Variants in MYCBP2 observed in about 807,000 individuals in gnomAD.
MYCBP2 encodes E3 ubiquitin-protein ligase MYCBP2.
MYCBP2 carries 120 observed loss-of-function variants against 525.3 expected under a neutral mutation model. The observed-to-expected ratio is 0.23, with a 90% CI of 0.20 to 0.27. The LOEUF (loss-of-function observed/expected upper bound fraction) is 0.27. Among genes scored for constraint, MYCBP2 ranks in the 10% least tolerant of loss-of-function variants. The probability of loss-of-function intolerance (pLI) is 1.00; values close to 1 mark genes in which losing one functional copy is unlikely to be tolerated. For missense variants in MYCBP2, 4,149 were observed against 5,657.1 expected, an observed-to-expected ratio of 0.73 and a Z score of 8.55; for synonymous variants, 1,894 against 1,955.8, an observed-to-expected ratio of 0.97 and a Z score of 0.83.
intron 65 of MYCBP2, 81 bp from the exon 66 acceptor site, chr13:77,078,970 C>T: frequency 9.8e-6 from 11 of 1,127,474 alleles, no homozygotes; most frequent in Non-Finnish European, 1.3e-5. Context: ...CCTACTAATA[C>T]CACATCAACT....
At position 77,205,458 on chromosome 13, in the gene MYCBP2, C is replaced by T; in HGVS notation, c.3715+15G>A. ...CAGTTGTAAGACAACATTTCCTAAA[C>T]CGAAGTATACATACTTTCAAACCTG... On this transcript the variant is annotated intron_variant, in intron 25 of 82. Transcript: ENST00000544440. The T allele has an allele frequency of 6.2e-7, 1 of 1,612,084 alleles. No individual in the cohort carries two copies.
At position 77,131,487 on chromosome 13, in the gene MYCBP2, AAC is replaced by A. The variant is rs369448891; in HGVS notation, c.7660-4947_7660-4946del. Among the ~76,000 whole-genome samples, 1,164 of 135,652 alleles carry A rather than the reference AAC, an allele frequency of 8.6e-3. 3 individuals are homozygous for A. Among genetic ancestry groups the A allele is most frequent in the South Asian group, 0.016 (63 of 4,050 alleles). The allele number at this position is 135,652 out of a possible 152,430, so 89.0% of individuals were successfully genotyped here. On this transcript the variant is annotated intron_variant, in intron 52 of 82. Transcript: ENST00000544440. ...TGGGCAACAACAAGACTTCATCTCA[AAC>A]ACACACACACACACACACACACAAA...
intron 1 of MYCBP2, among the ~76,000 whole-genome samples, chr13:77,324,148 AG>A (rs2154384485): frequency 6.6e-6 from 1 of 152,300 alleles, no homozygotes; most frequent in African/African-American, 2.4e-5. Flanking sequence ...CTTCCTCAAA[AG>A]TTATCAATGA....
In MYCBP2 at chr13:77,306,594, T is replaced by C. The variant is rs138642704; in HGVS notation, c.303-9920A>G. Reference sequence around the variant, plus strand: ...GGAGCATAAGTGAGGGGAAGAGAACTCTCTGAAAAGCTTTGGCTATAGACC... The same window carrying C: ...GGAGCATAAGTGAGGGGAAGAGAACCCTCTGAAAAGCTTTGGCTATAGACC... On this transcript the variant is annotated intron_variant, in intron 1 of 82. Coordinates refer to ENST00000544440, the MANE Select transcript of MYCBP2 (RefSeq NM_015057.5). 3.0e-4 allele frequency among the ~76,000 whole-genome samples: 45 copies of C among 152,172 alleles called. No individual in the cohort carries two copies. The South Asian group carries it at 8.3e-3, about 28-fold the overall frequency.
At position 77,088,845 on chromosome 13, in the gene MYCBP2, A is replaced by T; in HGVS notation, c.10712T>A (p.Val3571Asp). ...ATGTCTTCATACCTCCATAGCAAAA[A>T]CTCGACAAGCAGATTTCCTTAGGGC... ...KQALRKSACR[V>D]FAMEAFNWLL... Residue 3571 changes from valine (V) to aspartate (D), a missense_variant, in exon 61 of 83, where the codon GTT becomes GAT. By Grantham distance (152) the Val-to-Asp change is radical (BLOSUM62 -3). Transcript: ENST00000544440. 6.2e-7 allele frequency: 1 copy of T among 1,611,826 alleles called. No homozygotes were observed. Among genetic ancestry groups the T allele is most frequent in the Non-Finnish European group, 8.5e-7 (1 of 1,178,516 alleles).
At chr13:77,156,738 A>G (rs2057255194) in intron 45 of MYCBP2, among the ~76,000 whole-genome samples, 1 of 152,238 alleles carries the variant, frequency 6.6e-6, no homozygotes, top group South Asian at 2.1e-4. Context: ...AAATGCATCA[A>G]TGTTGTGTAA....
At chr13:77,141,910 T>C (rs2054709086) in intron 49 of MYCBP2, among the ~76,000 whole-genome samples, 3 of 152,150 alleles carry the variant, frequency 2.0e-5, no homozygotes, top group South Asian at 2.1e-4. Flanking sequence ...TCGCAGCCCA[T>C]TGATGGCATC....
At chr13:77,121,039 C>A (rs1262527006) in intron 55 of MYCBP2, among the ~76,000 whole-genome samples, 1 of 151,814 alleles carries the variant, frequency 6.6e-6, no homozygotes, top group Admixed American at 6.6e-5. Flanking sequence ...TTAACATTAC[C>A]ATCCTAATAA....
Position 77,093,155 on chromosome 13 carries a change from A to T in MYCBP2, c.10367+10T>A. 1 of 1,603,336 alleles carries T rather than the reference A, an allele frequency of 6.2e-7. No homozygotes were observed. The highest frequency in any genetic ancestry group is 1.1e-5 in the South Asian group (1 of 88,954). Reference sequence around the variant, plus strand: ...CTAGCTATTCAACAGACAGGAGAGAACTAAAATACCTTGGTGGCATAGACT... The same window carrying T: ...CTAGCTATTCAACAGACAGGAGAGATCTAAAATACCTTGGTGGCATAGACT... On this transcript the variant is annotated intron_variant, in intron 59 of 82. Transcript: ENST00000544440.
chr13:77,176,702 A>C, intron 35 of MYCBP2, 74 bp from the exon 36 acceptor site: 1 of 1,138,380 alleles, frequency 8.8e-7, no homozygotes, highest in Non-Finnish European at 1.2e-6. Flanking sequence ...TTGATTTATA[A>C]TTATTATTTT....
chr13:77,145,749 A>G (rs931997038), intron 48 of MYCBP2, among the ~76,000 whole-genome samples: 3 of 152,148 alleles, frequency 2.0e-5, no homozygotes, highest in African/African-American at 7.2e-5. Flanking sequence ...AGAATTACTT[A>G]CGGGCTGAAA....
rs1037602001 is a variant in MYCBP2, at chr13:77,078,871, T to A, written c.11437A>T (p.Thr3813Ser). 1.7e-5 allele frequency: 27 copies of A among 1,613,344 alleles called. No homozygotes were observed. In the Admixed American group the frequency reaches 2.3e-4, roughly 14 times the overall value. ...TCTACTGCTTTGCCAGTTAAGAAGG[T>A]CATTGAGGTAACTTTATTCTGAAAT... ...RDLGNKVTSMTFLTGKAVEDL... is the reference protein window; with the variant it reads ...RDLGNKVTSMSFLTGKAVEDL... The change falls in exon 66 of 83, where the codon ACC becomes TCC. Residue 3813 changes from threonine (T) to serine (S), a missense_variant. Transcript: ENST00000544440.
At chr13:77,199,983 A>G (rs2062288910) in intron 26 of MYCBP2, among the ~76,000 whole-genome samples, 1 of 152,252 alleles carries the variant, frequency 6.6e-6, no homozygotes, top group African/African-American at 2.4e-5. Context: ...AAAGCAGAGC[A>G]ACTCTCCTCC....
At chr13:77,176,352 G>A (rs2059702361) in intron 36 of MYCBP2, 145 bp downstream of exon 36, 1 of 538,170 alleles carries the variant, frequency 1.9e-6, no homozygotes, top group African/African-American at 1.9e-5. Flanking sequence ...GTACGTAGTA[G>A]GTACTCCATA....
chr13:77,120,727 TTAAC>T (rs1211521936), intron 55 of MYCBP2, among the ~76,000 whole-genome samples: 1 of 152,186 alleles, frequency 6.6e-6, no homozygotes, highest in Admixed American at 6.5e-5. Context: ...TGTTTCAAAA[TTAAC>T]TATTGTTTGG....
At chr13:77,095,652 C>T (rs1459669636) in intron 57 of MYCBP2, 50 bp from the exon 58 acceptor site, 1 of 1,576,168 alleles carries the variant, frequency 6.3e-7, no homozygotes, top group Middle Eastern at 1.7e-4. Flanking sequence ...CATTAAAATC[C>T]TTAGTTTCTT....
chr13:77,243,851 T>G lies in MYCBP2; in HGVS notation c.2482A>C (p.Ile828Leu), dbSNP rs1028629841. 1.2e-6 allele frequency: 2 copies of G among 1,613,774 alleles called. No individual in the cohort carries two copies. The highest frequency in any genetic ancestry group is 1.7e-6 in the Non-Finnish European group (2 of 1,179,908). Residue 828 changes from isoleucine to leucine, a missense_variant, in exon 16 of 83, where the codon ATT becomes CTT. Physicochemically the swap from Ile to Leu is conservative, Grantham distance 5. This residue lies in a region of MYCBP2 where 620 missense variants were observed against 795.5 expected (regional missense o/e 0.78). Transcript: ENST00000544440. ...LDGQEARQRG[I>L]LDAVKEMIPL... ...ATCATTTCTTTCACTGCATCAAGAA[T>G]TCCTCTTTGTCTTGCCTCTTGACCA...
At chr13:77,212,600 T>C (rs929053722) in intron 21 of MYCBP2, among the ~76,000 whole-genome samples, 1 of 152,190 alleles carries the variant, frequency 6.6e-6, no homozygotes, top group African/African-American at 2.4e-5. Flanking sequence ...AATATCCATG[T>C]AAAAAGACCA....
intron 34 of MYCBP2, 126 bp downstream of exon 34, chr13:77,180,001 C>A: frequency 4.6e-6 from 3 of 654,856 alleles, no homozygotes; most frequent in Middle Eastern, 4.3e-4. Flanking sequence ...AAAAGAAAAA[C>A]AATGCATTGG....
Sources: gnomAD v4.1 joint callset for allele counts (sites outside exome capture counted in the v4.1 genomes callset) on GRCh38, gnomAD v4.1.1 for gene constraint, gnomAD v4.1.1 regional missense constraint, MANE v1.5 for transcripts, NCBI Gene and HGNC (gene_info 2026-07-23, HGNC 2026-07-21) for gene names.